Variants in CMIP observed in about 807,000 individuals in gnomAD.
CMIP encodes the protein c-Maf inducing protein.
A neutral mutation model predicts 97.3 loss-of-function variants in CMIP; 13 were observed. That is an observed-to-expected ratio of 0.13 (90% confidence interval 0.09 to 0.21). The LOEUF is 0.21. CMIP is among the 10% of genes least tolerant of loss of function. CMIP has a pLI of 1.00. For missense variants in CMIP, 847 were observed against 1,024.9 expected, an observed-to-expected ratio of 0.83 and a Z score of 2.37; for synonymous variants, 538 against 436.3, an observed-to-expected ratio of 1.23 and a Z score of -2.91.
intron 1 of CMIP, among the ~76,000 whole-genome samples, chr16:81,473,359 G>C (rs1166743703): frequency 6.6e-6 from 1 of 152,210 alleles, no homozygotes; most frequent in Non-Finnish European, 1.5e-5. Context: ...TGTCTGGGAC[G>C]GATTTCAGGA....
Position 81,563,415 on chromosome 16 carries a change from A to G in CMIP, c.301-44152A>G, listed in dbSNP as rs146826110. On this transcript the variant is annotated intron_variant, in intron 1 of 20. Coordinates refer to ENST00000537098, the MANE Select transcript of CMIP (RefSeq NM_198390.3). ...CGGTTTCCTTCCTGGTAAAATGGGA[A>G]TGATGATAATAGCAATACTTCTTTC... 2.0e-3 allele frequency among the ~76,000 whole-genome samples: 300 copies of G among 152,340 alleles called. 1 individual carries two copies. Among genetic ancestry groups the G allele is most frequent in the African/African-American group, 6.9e-3 (288 of 41,576 alleles).
intron 3 of CMIP, chr16:81,645,483 C>T (rs2092354228): frequency 1.3e-6 from 2 of 1,533,804 alleles, no homozygotes; most frequent in Non-Finnish European, 1.7e-6. Context: ...CACATTCCTG[C>T]TGACGACTTG....
chr16:81,629,888 G>A (rs77875034), intron 3 of CMIP, among the ~76,000 whole-genome samples: 162 of 152,348 alleles, frequency 1.1e-3, no homozygotes, highest in Non-Finnish European at 1.6e-3. Flanking sequence ...AGCCATGACC[G>A]TCGTGTATCT....
chr16:81,544,488 A>G (rs1222917447), intron 1 of CMIP, among the ~76,000 whole-genome samples: 1 of 150,016 alleles, frequency 6.7e-6, no homozygotes, highest in Admixed American at 6.6e-5. Flanking sequence ...TTCCTTCTCC[A>G]AACAGCCTGC....
rs748907601 is a variant in CMIP at position 81,445,298 on chromosome 16, C to G, written c.57C>G (p.Thr19=). Residue 19 remains threonine (T), a synonymous_variant, in exon 1 of 21, where the codon ACC becomes ACG. Coordinates refer to ENST00000537098, the MANE Select transcript of CMIP (RefSeq NM_198390.3). ...GGGDPRQIEE[T]KPLLGGDVSA... ...GCGACCCCCGGCAGATCGAGGAGAC[C>G]AAGCCGCTGCTGGGGGGCGACGTGT... is the stretch of plus-strand genomic sequence containing the variant. 1.9e-6 allele frequency: 3 copies of G among 1,561,020 alleles called. No homozygotes were observed. Among genetic ancestry groups the G allele is most frequent in the Non-Finnish European group, 2.6e-6 (3 of 1,154,746 alleles).
chr16:81,618,492 G>T (rs747730248), intron 2 of CMIP: 1 of 152,214 alleles, frequency 6.6e-6, no homozygotes, highest in African/African-American at 2.4e-5. Context: ...TGTTTAGGGG[G>T]CTTTATTTTC....
At chr16:81,483,554 C>T (rs532723799) in intron 1 of CMIP, among the ~76,000 whole-genome samples, 2 of 150,840 alleles carry the variant, frequency 1.3e-5, no homozygotes, top group South Asian at 2.1e-4. Context: ...TGCCTCTCTC[C>T]CTCCCGCAGC....
chr16:81,640,738 ATGTGTGTG>A (rs751455480), intron 3 of CMIP, among the ~76,000 whole-genome samples: 1 of 138,936 alleles, frequency 7.2e-6, no homozygotes, highest in African/African-American at 2.7e-5. Context: ...TCTCTGGAGC[ATGTGTGTG>A]TGTGTGTGTG....
intron 1 of CMIP, among the ~76,000 whole-genome samples, chr16:81,527,080 G>A (rs866001153): frequency 1.3e-5 from 2 of 152,302 alleles, no homozygotes; most frequent in Middle Eastern, 3.4e-3. Context: ...GGCCAGGCAG[G>A]CCTGGACCTG....
intron 1 of CMIP, among the ~76,000 whole-genome samples, chr16:81,561,446 A>G (rs1451423464): frequency 1.3e-5 from 2 of 152,104 alleles, no homozygotes; most frequent in East Asian, 3.9e-4. Flanking sequence ...GGTAGGGTGG[A>G]GGTAGGCACA....
intron 1 of CMIP, among the ~76,000 whole-genome samples, chr16:81,531,287 C>A (rs1243032827): frequency 1.3e-5 from 2 of 152,088 alleles, no homozygotes; most frequent in Non-Finnish European, 2.9e-5. Context: ...TTTGGCAGCC[C>A]CAGAAGCCCC....
In CMIP at chr16:81,652,202, G is replaced by A; in HGVS notation, c.478-1G>A. 1 of 1,611,686 alleles carries A rather than the reference G, an allele frequency of 6.2e-7. No homozygotes were observed. Among genetic ancestry groups the A allele is most frequent in the Non-Finnish European group, 8.5e-7 (1 of 1,178,258 alleles). On this transcript the variant is annotated splice_acceptor_variant, in intron 3 of 20. Transcript: ENST00000537098. LOFTEE classifies it high-confidence loss of function. This position sits in a 1 kb window ranked among gnomAD's most constrained non-coding sequence, Gnocchi z 5.2. ...GCTGTCTCTTTATCTCTTTCAACCA[G>A]AAAAAGATTTACAAATATAAGAAAG...
At chr16:81,657,646 A>C (rs2092499264) in intron 4 of CMIP, 129 bp from the exon 5 acceptor site, 2 of 750,892 alleles carry the variant, frequency 2.7e-6, no homozygotes, top group Non-Finnish European at 4.3e-6. Context: ...AATTAAGAAA[A>C]AATGACAGTG....
chr16:81,703,660 C>A (rs1476669574), intron 17 of CMIP, among the ~76,000 whole-genome samples: 1 of 152,010 alleles, frequency 6.6e-6, no homozygotes, highest in African/African-American at 2.4e-5. Flanking sequence ...GGCCTTGGAA[C>A]ACCCCGCTGG....
chr16:81,446,552 T>C (rs1453755377), intron 1 of CMIP, among the ~76,000 whole-genome samples: 1 of 151,796 alleles, frequency 6.6e-6, no homozygotes, highest in Non-Finnish European at 1.5e-5. Context: ...CCATCCTCAT[T>C]GGGGGTGTAG....
At chr16:81,637,273 A>T (rs2092249132) in intron 3 of CMIP, among the ~76,000 whole-genome samples, 1 of 152,032 alleles carries the variant, frequency 6.6e-6, no homozygotes, top group Admixed American at 6.5e-5. Context: ...GGGTTTCATC[A>T]TGTTGGCCAG....
chr16:81,581,958 T>C (rs2091303203), intron 1 of CMIP, among the ~76,000 whole-genome samples: 1 of 152,196 alleles, frequency 6.6e-6, no homozygotes, highest in South Asian at 2.1e-4. Context: ...CTGCAGGCTG[T>C]GCAGAAAGCA....
chr16:81,645,535 A>C, intron 3 of CMIP: 2 of 1,536,046 alleles, frequency 1.3e-6, no homozygotes, highest in Non-Finnish European at 1.7e-6. Flanking sequence ...CCCTGGCCTG[A>C]GAACCCTGGC....
intron 1 of CMIP, among the ~76,000 whole-genome samples, chr16:81,575,143 G>C (rs1410848969): frequency 1.3e-5 from 2 of 152,154 alleles, no homozygotes; most frequent in Admixed American, 6.5e-5. Context: ...GCATTACCCA[G>C]ATTATCTCAT....
Sources: allele counts gnomAD v4.1 joint callset (sites outside exome capture counted in the v4.1 genomes callset), GRCh38; gene constraint gnomAD v4.1.1; non-coding constraint Gnocchi (gnomAD v3.1); transcripts MANE v1.5; gene names NCBI Gene and HGNC (gene_info 2026-07-23, HGNC 2026-07-21).